IQSEC1: variants seen among roughly 807,000 people sequenced by gnomAD.
IQSEC1 encodes IQ motif and SEC7 domain-containing protein 1.
IQSEC1 carries 31 observed loss-of-function variants against 91.0 expected under a neutral mutation model. The observed-to-expected ratio is 0.34, with a 90% CI of 0.26 to 0.46. The LOEUF (loss-of-function observed/expected upper bound fraction) is 0.46, where lower values mean the gene tolerates loss of function less well. IQSEC1 is among the 20% of genes least tolerant of loss of function. The pLI, the probability that IQSEC1 is intolerant of heterozygous loss-of-function variation, is 1.00. For synonymous variants in IQSEC1, 699 were observed against 662.6 expected (o/e 1.05, Z -0.84); for missense variants, 1,388 against 1,575.6 (o/e 0.88, Z 2.02).
intron 1 of IQSEC1, among the ~76,000 whole-genome samples, chr3:13,003,348 A>G (rs536510031): frequency 5.3e-4 from 81 of 151,594 alleles, no homozygotes; most frequent in South Asian, 1.5e-3. Context: ...TGAACCTTGA[A>G]AAACTTCACG....
chr3:13,134,607 G>T (rs1360746150), intron 2 of IQSEC1, among the ~76,000 whole-genome samples: 4 of 152,230 alleles, frequency 2.6e-5, no homozygotes, highest in African/African-American at 9.6e-5. Context: ...CCTCATGCGG[G>T]TGATGATGTT....
chr3:12,943,991 G>A lies in IQSEC1; in HGVS notation c.24-2126C>T, dbSNP rs144634896. On this transcript the variant is annotated intron_variant, in intron 1 of 13. Transcript: ENST00000613206. The stretch of plus-strand genomic sequence containing the variant: ...CCAGGAGCTGGGCCATGACAGAGGC[G>A]TCTTCCTGAGGAAGAGCCTGAATGA... 1.1e-3 allele frequency among the ~76,000 whole-genome samples: 171 copies of A among 152,330 alleles called. 1 individual carries two copies. The highest frequency in any genetic ancestry group is 3.8e-3 in the African/African-American group (159 of 41,574).
At position 12,967,296 on chromosome 3, in the gene IQSEC1, C is replaced by A; in HGVS notation, c.24-25431G>T. 1.7e-6 allele frequency: 2 copies of A among 1,171,774 alleles called. No individual in the cohort carries two copies. Among genetic ancestry groups the A allele is most frequent in the Admixed American group, 2.6e-5 (1 of 38,642 alleles). 72.6% of individuals were successfully genotyped at this position (1,171,774 alleles called of 1,614,324 possible). On this transcript the variant is annotated intron_variant, in intron 1 of 13. Transcript: ENST00000613206. This position sits in a 1 kb window ranked among gnomAD's most constrained non-coding sequence, Gnocchi z 5.9. ...ACGCCGGGCGCCCGGTCCCGACGGT[C>A]ACCCGCACTCCCGCACAGGCATCCC... is the stretch of plus-strand genomic sequence containing the variant.
chr3:12,929,346 G>A (rs1697442384), intron 3 of IQSEC1, among the ~76,000 whole-genome samples: 1 of 152,214 alleles, frequency 6.6e-6, no homozygotes, highest in South Asian at 2.1e-4. Flanking sequence ...CAGAAAGCTG[G>A]GACGGCATCG....
chr3:12,953,133 G>C (rs1459492932), intron 1 of IQSEC1, among the ~76,000 whole-genome samples: 1 of 152,222 alleles, frequency 6.6e-6, no homozygotes, highest in Non-Finnish European at 1.5e-5. Context: ...GGTCTGAACT[G>C]AGCAAGCCAG....
At chr3:13,041,228 T>G (rs1186070252) in intron 1 of IQSEC1, among the ~76,000 whole-genome samples, 4 of 113,964 alleles carry the variant, frequency 3.5e-5, no homozygotes, top group South Asian at 3.1e-4. Context: ...GGGCGGGGGG[T>G]GGGGTGAAAG....
At chr3:12,911,872 T>C (rs1695589790) in intron 9 of IQSEC1, 144 bp from the exon 10 acceptor site, 1 of 670,962 alleles carries the variant, frequency 1.5e-6, no homozygotes, top group East Asian at 2.7e-5. Flanking sequence ...GGGCTTCCAC[T>C]CCAAGACTCG....
rs866472966 is a variant in IQSEC1, at chr3:12,991,073, G to A, written c.24-49208C>T. On this transcript the variant is annotated intron_variant, in intron 1 of 13. Transcript: ENST00000613206. ...TATGATGGCCCCACTGAATAGCCCC[G>A]AGGCAGGGGGTGAGAGGGAGTCTGG... Among the ~76,000 whole-genome samples, 25 of 152,320 alleles carry A rather than the reference G, an allele frequency of 1.6e-4. No homozygotes were observed. In the South Asian group the frequency reaches 3.1e-3, roughly 19 times the overall value.
At chr3:12,916,249 CTTG>C (rs1385527059) in intron 6 of IQSEC1, among the ~76,000 whole-genome samples, 1 of 152,206 alleles carries the variant, frequency 6.6e-6, no homozygotes, top group African/African-American at 2.4e-5. Context: ...ACAGCACAGG[CTTG>C]TTGTGAGGAA....
At chr3:13,075,000 A>C (rs1705540692), upstream of IQSEC1, among the ~76,000 whole-genome samples, 2 of 152,192 alleles carry the variant, frequency 1.3e-5, no homozygotes, top group East Asian at 3.9e-4. Flanking sequence ...CAGGTGGCCA[A>C]GGTGAGGCAT....
intron 2 of IQSEC1, among the ~76,000 whole-genome samples, chr3:13,162,645 C>T (rs1272939102): frequency 6.6e-6 from 1 of 152,168 alleles, no homozygotes; most frequent in Non-Finnish European, 1.5e-5. Context: ...TAAGAATATA[C>T]GTACTTACAC....
intron 2 of IQSEC1, among the ~76,000 whole-genome samples, chr3:13,119,705 C>A (rs779977602): frequency 6.6e-6 from 1 of 152,228 alleles, no homozygotes; most frequent in Non-Finnish European, 1.5e-5. Flanking sequence ...CCTGGCTGCA[C>A]GTGGGAGCTT....
At chr3:12,991,672 A>G (rs1282356418) in intron 1 of IQSEC1, among the ~76,000 whole-genome samples, 1 of 152,230 alleles carries the variant, frequency 6.6e-6, no homozygotes, top group African/African-American at 2.4e-5. Flanking sequence ...TTCCTACAAG[A>G]ACAAAGGATG....
At chr3:13,272,022 G>C (rs1170306548) in intron 1 of IQSEC1, among the ~76,000 whole-genome samples, 1 of 152,156 alleles carries the variant, frequency 6.6e-6, no homozygotes, top group Non-Finnish European at 1.5e-5. Flanking sequence ...CTCCAGGATA[G>C]ACTGCATCTC....
chr3:13,123,895 ACCATGGCTCTCGAG>A (rs936555262), intron 2 of IQSEC1, among the ~76,000 whole-genome samples: 9 of 152,230 alleles, frequency 5.9e-5, no homozygotes, highest in Non-Finnish European at 1.2e-4. Flanking sequence ...GGGTCTGCAA[ACCATGGCTCTCGAG>A]CCAAATCTAG....
intron 1 of IQSEC1, among the ~76,000 whole-genome samples, chr3:13,222,798 C>T (rs991243041): frequency 1.1e-4 from 17 of 152,290 alleles, no homozygotes; most frequent in African/African-American, 3.8e-4. Context: ...CAAAGGGCGA[C>T]GTGTGTGGGG....
intron 1 of IQSEC1, among the ~76,000 whole-genome samples, chr3:13,176,092 A>G (rs897093951): frequency 1.3e-5 from 2 of 152,138 alleles, no homozygotes; most frequent in African/African-American, 4.8e-5. Flanking sequence ...CTCTGGGGAC[A>G]CTCAAGCAAC....
At chr3:13,125,938 A>G (rs764776595) in intron 2 of IQSEC1, among the ~76,000 whole-genome samples, 24 of 152,204 alleles carry the variant, frequency 1.6e-4, no homozygotes, top group Non-Finnish European at 1.9e-4. Context: ...ACCAGAGGAA[A>G]AAGATGCCTC....
chr3:12,960,948 C>A (rs1314346217), intron 1 of IQSEC1, among the ~76,000 whole-genome samples: 1 of 152,252 alleles, frequency 6.6e-6, no homozygotes. Context: ...GCAGTGGGGA[C>A]CACCTTGCCC....
Sources: allele counts gnomAD v4.1 joint callset (sites outside exome capture counted in the v4.1 genomes callset), GRCh38; gene constraint gnomAD v4.1.1; non-coding constraint Gnocchi (gnomAD v3.1); transcripts MANE v1.5; gene names NCBI Gene and HGNC (gene_info 2026-07-23, HGNC 2026-07-21).